SLC22A23: variants seen among roughly 807,000 people sequenced by gnomAD.
The protein encoded by SLC22A23 is solute carrier family 22 member 23, also known as ion transporter protein.
SLC22A23 carries 26 observed loss-of-function variants against 61.0 expected under a neutral mutation model. The observed-to-expected ratio is 0.43, with a 90% CI of 0.31 to 0.59. The LOEUF (loss-of-function observed/expected upper bound fraction) is 0.59. SLC22A23 is among the 20% of genes least tolerant of loss of function. SLC22A23 has a pLI of 0.11. For synonymous variants in SLC22A23, 430 were observed against 413.9 expected (o/e 1.04, Z -0.47); for missense variants, 796 against 934.7 (o/e 0.85, Z 1.94).
At chr6:3,448,902 C>CGGAGAG (rs139481642) in intron 1 of SLC22A23, among the ~76,000 whole-genome samples, 15 of 151,980 alleles carry the variant, frequency 9.9e-5, no homozygotes, top group Admixed American at 3.3e-4. Context: ...CAGAGGGAGA[C>CGGAGAG]GGAGAGGGAG....
intron 4 of SLC22A23, 26 bp downstream of exon 4, chr6:3,323,808 C>G: frequency 6.3e-7 from 1 of 1,599,322 alleles, no homozygotes; most frequent in Non-Finnish European, 8.5e-7. Context: ...CGCACCAGCC[C>G]AGGGCGCTGT....
At chr6:3,307,726 C>G (rs541743366) in intron 4 of SLC22A23, among the ~76,000 whole-genome samples, 5 of 152,386 alleles carry the variant, frequency 3.3e-5, no homozygotes, top group South Asian at 2.1e-4. Context: ...GAAGCGGTGA[C>G]TGTCGGTGAG....
At chr6:3,409,890 G>C (rs1486188158) in intron 3 of SLC22A23, among the ~76,000 whole-genome samples, 1 of 152,174 alleles carries the variant, frequency 6.6e-6, no homozygotes, top group Non-Finnish European at 1.5e-5. Context: ...CAATTCTGAA[G>C]AAAACCGAAA....
chr6:3,410,451 G>A lies in SLC22A23; in HGVS notation c.759-109C>T, dbSNP rs1238135780. 3.3e-6 allele frequency: 4 copies of A among 1,203,398 alleles called. No individual in the cohort carries two copies. Among genetic ancestry groups the A allele is most frequent in the Non-Finnish European group, 4.5e-6 (4 of 879,754 alleles). The allele number at this position is 1,203,398 out of a possible 1,614,324, so 74.5% of individuals were successfully genotyped here. A position where few individuals can be genotyped will look rare whatever the true frequency, so the allele number is the denominator to read the frequency against. Reference sequence around the variant, plus strand: ...ACTCAATATATGTTGAATGAGTACTGGGTAAAAAGTCCTGTGCCATCTATA... The same window carrying A: ...ACTCAATATATGTTGAATGAGTACTAGGTAAAAAGTCCTGTGCCATCTATA... On this transcript the variant is annotated intron_variant, in intron 2 of 9. Transcript: ENST00000406686. This position sits in a 1 kb window ranked among gnomAD's most constrained non-coding sequence, Gnocchi z 5.0.
chr6:3,401,861 C>A (rs1457173514), intron 3 of SLC22A23, among the ~76,000 whole-genome samples: 2 of 152,180 alleles, frequency 1.3e-5, no homozygotes, highest in East Asian at 3.9e-4. Context: ...AATAACAAAT[C>A]TCCTGGCAAA....
intron 1 of SLC22A23, chr6:3,444,736 G>A (rs729131): frequency 0.81 from 766,102 of 941,092 alleles, 312,777 homozygotes; most frequent in African/African-American, 0.96. Context: ...TTGGAACTTA[G>A]ACACATAAAC....
intron 4 of SLC22A23, among the ~76,000 whole-genome samples, chr6:3,305,533 T>C (rs896209237): frequency 5.9e-5 from 9 of 152,238 alleles, no homozygotes; most frequent in African/African-American, 2.2e-4. Context: ...AGCCCAGAGA[T>C]GGTTGTTTTA....
intron 6 of SLC22A23, among the ~76,000 whole-genome samples, chr6:3,288,439 C>T (rs558605315): frequency 7.2e-5 from 11 of 152,350 alleles, no homozygotes; most frequent in Non-Finnish European, 7.3e-5. Flanking sequence ...GAGGCCCCAG[C>T]CCCCGCACAA....
chr6:3,286,017 A>G lies in SLC22A23; in HGVS notation c.1546+842T>C, dbSNP rs995007022. On this transcript the variant is annotated intron_variant, in intron 7 of 9. Coordinates refer to ENST00000406686, the MANE Select transcript of SLC22A23 (RefSeq NM_015482.2). This position sits in a 1 kb window ranked among gnomAD's most constrained non-coding sequence, Gnocchi z 4.2. ...ACGGAGATGCTGTGGTGGTTTGTCC[A>G]TACACGGGAATGGGTATTTGTTGGT... 6.6e-6 allele frequency among the ~76,000 whole-genome samples: 1 copy of G among 151,978 alleles called. No individual in the cohort carries two copies. Among genetic ancestry groups the G allele is most frequent in the Non-Finnish European group, 1.5e-5 (1 of 68,008 alleles).
intron 3 of SLC22A23, among the ~76,000 whole-genome samples, chr6:3,399,433 T>C (rs1381903360): frequency 1.3e-5 from 2 of 152,226 alleles, no homozygotes; most frequent in Non-Finnish European, 2.9e-5. Context: ...CAGCCATTCA[T>C]GTCCATCCTG....
chr6:3,299,507 TC>T (rs1470435338), intron 4 of SLC22A23, among the ~76,000 whole-genome samples: 1 of 152,224 alleles, frequency 6.6e-6, no homozygotes, highest in Non-Finnish European at 1.5e-5. Flanking sequence ...AGAATCTTTT[TC>T]TTTTTTTAAA....
chr6:3,368,808 G>A (rs1280417483), intron 3 of SLC22A23, among the ~76,000 whole-genome samples: 1 of 152,162 alleles, frequency 6.6e-6, no homozygotes, highest in East Asian at 1.9e-4. Context: ...ATCAGGCCAG[G>A]CAGCGGCGTC....
chr6:3,286,043 G>A lies in SLC22A23; in HGVS notation c.1546+816C>T, dbSNP rs959974715. 6.6e-6 allele frequency among the ~76,000 whole-genome samples: 1 copy of A among 152,046 alleles called. No individual in the cohort carries two copies. The highest frequency in any genetic ancestry group is 2.4e-5 in the African/African-American group (1 of 41,394). ...TACACGGGAATGGGTATTTGTTGGT[G>A]AGGAGCTATACAGAGCTTGCTGGAA... On this transcript the variant is annotated intron_variant, in intron 7 of 9. Coordinates refer to ENST00000406686, the MANE Select transcript of SLC22A23 (RefSeq NM_015482.2). The surrounding 1 kb of genome is among the most constrained non-coding windows in gnomAD (Gnocchi z 4.2).
intron 4 of SLC22A23, among the ~76,000 whole-genome samples, chr6:3,316,346 C>A (rs111439306): frequency 2.6e-5 from 4 of 152,340 alleles, no homozygotes; most frequent in African/African-American, 9.6e-5. Context: ...AATATGTTTT[C>A]ACACGTAAGA....
intron 3 of SLC22A23, among the ~76,000 whole-genome samples, chr6:3,408,488 T>G (rs1448284203): frequency 6.6e-6 from 1 of 152,182 alleles, no homozygotes; most frequent in Non-Finnish European, 1.5e-5. Context: ...TCTCTCCAGA[T>G]GGCAAATGCC....
chr6:3,416,085 A>G (rs1432844642), intron 1 of SLC22A23, among the ~76,000 whole-genome samples: 1 of 152,250 alleles, frequency 6.6e-6, no homozygotes, highest in Admixed American at 6.5e-5. Context: ...ATAAGTCTGC[A>G]AAGAATGACG....
At chr6:3,350,198 G>C (rs1324406160) in intron 3 of SLC22A23, among the ~76,000 whole-genome samples, 2 of 152,072 alleles carry the variant, frequency 1.3e-5, no homozygotes, top group African/African-American at 2.4e-5. Flanking sequence ...TGCTGGGCAG[G>C]ACCCACCCGA....
At chr6:3,296,188 C>T (rs541252414) in intron 5 of SLC22A23, among the ~76,000 whole-genome samples, 9 of 152,220 alleles carry the variant, frequency 5.9e-5, no homozygotes, top group Non-Finnish European at 8.8e-5. Flanking sequence ...TCTGGGAAAG[C>T]CATCTGGACC....
At chr6:3,282,302 T>C (rs1322936924) in intron 9 of SLC22A23, 1 of 702,614 alleles carries the variant, frequency 1.4e-6, no homozygotes, top group Non-Finnish European at 2.6e-6. Context: ...AGCTCCTGAC[T>C]CATCTCTCCC....
Sources: allele counts gnomAD v4.1 joint callset (sites outside exome capture counted in the v4.1 genomes callset), GRCh38; gene constraint gnomAD v4.1.1; non-coding constraint Gnocchi (gnomAD v3.1); transcripts MANE v1.5; gene names NCBI Gene and HGNC (gene_info 2026-07-23, HGNC 2026-07-21).